The following CHAF1A variants were observed in gnomAD, a reference collection of about 807,000 sequenced individuals.
CHAF1A encodes chromatin assembly factor 1 subunit A.
CHAF1A carries 5 observed loss-of-function variants against 93.2 expected under a neutral mutation model. The ratio of observed to expected loss-of-function variants is 0.05; its 90% CI spans 0.03 to 0.11. The LOEUF (loss-of-function observed/expected upper bound fraction) is 0.11, where lower values mean the gene tolerates loss of function less well. Among genes scored for constraint, CHAF1A ranks in the 10% least tolerant of loss-of-function variants. The probability of loss-of-function intolerance (pLI) is 1.00; values close to 1 mark genes in which losing one functional copy is unlikely to be tolerated. For missense variants in CHAF1A, 1,102 were observed against 1,259.9 expected (o/e 0.87, Z 1.90); for synonymous variants, 504 against 510.3 (o/e 0.99, Z 0.17).
At chr19:4,407,723 A>C (rs749862889) in intron 2 of CHAF1A, among the ~76,000 whole-genome samples, 1 of 152,050 alleles carries the variant, frequency 6.6e-6, no homozygotes, top group Non-Finnish European at 1.5e-5. Context: ...GGAGGCGGGC[A>C]GATCACCTGA....
At chr19:4,414,691 C>T (rs72988742) in intron 3 of CHAF1A, among the ~76,000 whole-genome samples, 3,923 of 152,148 alleles carry the variant, frequency 0.026, 81 homozygotes, top group Non-Finnish European at 0.039. Flanking sequence ...CTGTAGGTTA[C>T]AGAGCTGTTT....
rs1313499364 is a variant in CHAF1A at position 4,433,302 on chromosome 19, T to A, written c.2436T>A (p.Pro812=). ...ISENSVYEKR[P]DFRMCWYVHP... ...AGAACTCAGTGTATGAGAAGCGGCC[T>A]GACTTCAGGATGTGCTGGTACGTGC... The change falls in exon 13 of 15, where the codon CCT becomes CCA. Residue 812 remains proline, a synonymous_variant. Transcript: ENST00000301280. The surrounding 1 kb of genome is among the most constrained non-coding windows in gnomAD (Gnocchi z 5.6). 11 of 1,614,044 alleles carry A rather than the reference T, an allele frequency of 6.8e-6. No homozygotes were observed. Among genetic ancestry groups the A allele is most frequent in the Non-Finnish European group, 8.5e-6 (10 of 1,179,990 alleles).
intron 2 of CHAF1A, among the ~76,000 whole-genome samples, chr19:4,406,433 A>AT (rs35200206): frequency 0.3 from 39,572 of 133,198 alleles, 6,500 homozygotes; most frequent in East Asian, 0.57. Context: ...TTGGATTGTA[A>AT]TTTTTTTTTT....
intron 7 of CHAF1A, among the ~76,000 whole-genome samples, chr19:4,425,515 A>G (rs1188468561): frequency 1.3e-5 from 2 of 151,656 alleles, no homozygotes; most frequent in Non-Finnish European, 2.9e-5. Flanking sequence ...CAGCCTCCCT[A>G]ATTTTATTTT....
Position 4,428,751 on chromosome 19 carries a change from C to T in CHAF1A, c.1465C>T (p.Pro489Ser). 6.2e-7 allele frequency: 1 copy of T among 1,614,204 alleles called. No individual in the cohort carries two copies. The highest frequency in any genetic ancestry group is 8.5e-7 in the Non-Finnish European group (1 of 1,180,034). Residue 489 changes from proline to serine, a missense_variant, in exon 8 of 15, where the codon CCA (proline) becomes TCA (serine). By Grantham distance (74) the Pro-to-Ser change is moderately conservative. This residue lies in a region of CHAF1A where 165 missense variants were observed against 243.9 expected (regional missense o/e 0.68). Coordinates refer to ENST00000301280, the MANE Select transcript of CHAF1A (RefSeq NM_005483.3). ...CCCTCGGCGTCGGACCGCTTTCCAT[C>T]CAGACCTCTGCAGTCAGCTGGACCA... ...LAPRRRTAFH[P>S]DLCSQLDQLL...
intron 3 of CHAF1A, among the ~76,000 whole-genome samples, chr19:4,414,596 A>T (rs1327039593): frequency 6.6e-6 from 1 of 152,030 alleles, no homozygotes; most frequent in Admixed American, 6.6e-5. Context: ...TTTGTTACTC[A>T]AGGGTGTCTT....
chr19:4,445,779 T>C, downstream of CHAF1A: 1 of 1,267,216 alleles, frequency 7.9e-7, no homozygotes, highest in East Asian at 2.5e-5. Context: ...GCCCTCTCCC[T>C]CCGGGACTCC....
At chr19:4,421,535 G>A (rs1292463451) in intron 4 of CHAF1A, among the ~76,000 whole-genome samples, 1 of 152,134 alleles carries the variant, frequency 6.6e-6, no homozygotes, top group Admixed American at 6.5e-5. Context: ...CCAACACTTT[G>A]GGAGGCTAAG....
At chr19:4,446,041 ACACT>A, downstream of CHAF1A, 9 of 1,607,314 alleles carry the variant, frequency 5.6e-6, no homozygotes, top group Non-Finnish European at 7.6e-6. Flanking sequence ...CTGCGGGCCG[ACACT>A]CACCAGCCCG....
chr19:4,432,223 G>C lies in CHAF1A; in HGVS notation c.2203+16G>C. 1 of 1,583,982 alleles carries C rather than the reference G, an allele frequency of 6.3e-7. No individual in the cohort carries two copies. The highest frequency in any genetic ancestry group is 8.6e-7 in the Non-Finnish European group (1 of 1,162,002). ...GACGAGCAGAGTGAGTGTGGGCGGG[G>C]CCAGGCCACCCACCTGTTCCTGGGC... On this transcript the variant is annotated intron_variant, in intron 12 of 14. Transcript: ENST00000301280.
At chr19:4,429,290 A>G (rs1166326495) in intron 8 of CHAF1A, 148 bp from the exon 9 acceptor site, 1 of 898,312 alleles carries the variant, frequency 1.1e-6, no homozygotes, top group Non-Finnish European at 1.7e-6. Context: ...CATGTTCCTG[A>G]CCTTTCTTTG....
At chr19:4,447,465 C>T (rs1599674819), downstream of CHAF1A, 22 of 1,472,600 alleles carry the variant, frequency 1.5e-5, no homozygotes, top group South Asian at 4.6e-5. Flanking sequence ...GGGAGCCCAC[C>T]GCCTGGTGTG....
At chr19:4,441,604 G>T (rs932761429) in intron 13 of CHAF1A, among the ~76,000 whole-genome samples, 1 of 148,772 alleles carries the variant, frequency 6.7e-6, no homozygotes, top group Non-Finnish European at 1.5e-5. Flanking sequence ...TGAAACTCCC[G>T]TCTCAAAAAT....
downstream of CHAF1A, among the ~76,000 whole-genome samples, chr19:4,443,840 C>T (rs1182794877): frequency 6.6e-6 from 1 of 152,164 alleles, no homozygotes; most frequent in African/African-American, 2.4e-5. Context: ...AGGCGACAGC[C>T]GCTGTGGTAC....
Position 4,428,842 on chromosome 19 carries a change from G to A in CHAF1A, c.1556G>A (p.Arg519Lys). 1 of 1,613,910 alleles carries A rather than the reference G, an allele frequency of 6.2e-7. No homozygotes were observed. The highest frequency in any genetic ancestry group is 8.5e-7 in the Non-Finnish European group (1 of 1,180,022). Reference sequence around the variant, plus strand: ...GACCTCAAAGGCCGGCAGCCCCTGAGGTCCGGACCCACGCACGTTTCCACC... The same window carrying A: ...GACCTCAAAGGCCGGCAGCCCCTGAAGTCCGGACCCACGCACGTTTCCACC... The part of the protein sequence containing the change: ...LKDLKGRQPL[R>K]SGPTHVSTRN... The change falls in exon 8 of 15, where the codon AGG becomes AAG. Residue 519 changes from arginine (R) to lysine (K), a missense_variant. Transcript: ENST00000301280.
At chr19:4,423,479 C>T (rs1175427297) in intron 6 of CHAF1A, 84 bp downstream of exon 6, 3 of 1,602,570 alleles carry the variant, frequency 1.9e-6, no homozygotes, top group South Asian at 2.2e-5. Context: ...ACAGCCGTCA[C>T]CTAATATTCT....
intron 11 of CHAF1A, 34 bp downstream of exon 11, chr19:4,430,675 C>A (rs761579764): frequency 6.2e-7 from 1 of 1,611,794 alleles, no homozygotes; most frequent in Admixed American, 1.7e-5. Flanking sequence ...ACCGGCTCAG[C>A]AAAAGTTCAT....
chr19:4,410,657 A>T (rs1973779152), intron 3 of CHAF1A, among the ~76,000 whole-genome samples: 1 of 152,160 alleles, frequency 6.6e-6, no homozygotes, highest in Non-Finnish European at 1.5e-5. Context: ...CTGGAATTAT[A>T]GGCATGAGCC....
intron 7 of CHAF1A, among the ~76,000 whole-genome samples, chr19:4,424,747 G>A (rs1974050689): frequency 6.6e-6 from 1 of 152,144 alleles, no homozygotes; most frequent in African/African-American, 2.4e-5. Context: ...TGATTCTTCT[G>A]TGTCAGCCTC....
Sources: allele counts gnomAD v4.1 joint callset (sites outside exome capture counted in the v4.1 genomes callset), GRCh38; gene constraint gnomAD v4.1.1; regional missense constraint gnomAD v4.1.1; non-coding constraint Gnocchi (gnomAD v3.1); transcripts MANE v1.5; gene names NCBI Gene and HGNC (gene_info 2026-07-23, HGNC 2026-07-21).